FAM171A1: variants seen among roughly 807,000 people sequenced by gnomAD.
FAM171A1 encodes the protein family with sequence similarity 171 member A1.
FAM171A1 carries 23 observed loss-of-function variants against 74.9 expected under a neutral mutation model. The observed-to-expected ratio is 0.31, with a 90% CI of 0.22 to 0.44. The LOEUF is 0.44. FAM171A1 is among the 20% of genes least tolerant of loss of function. The probability of loss-of-function intolerance (pLI) is 1.00; values close to 1 mark genes in which losing one functional copy is unlikely to be tolerated. For synonymous variants in FAM171A1, 527 were observed against 505.7 expected (o/e 1.04, Z -0.57); for missense variants, 1,162 against 1,159.2 (o/e 1.00, Z -0.03).
chr10:15,238,300 G>A (rs942283345), intron 5 of FAM171A1, among the ~76,000 whole-genome samples: 4 of 152,018 alleles, frequency 2.6e-5, no homozygotes, highest in Admixed American at 1.3e-4. Context: ...TTAGGTTCGC[G>A]GCAAAACTGA....
chr10:15,212,741 G>C lies in FAM171A1; in HGVS notation c.*174C>G, dbSNP rs571390113. On this transcript the variant is annotated 3_prime_UTR_variant, in exon 8 of 8. Transcript: ENST00000378116. ...CCGCCAAAGTCATCCTTTATTCCGA[G>C]TAATAACTTTAATTCCTTTCTAACA... is the stretch of plus-strand genomic sequence containing the variant. The C allele has an allele frequency of 5.4e-6, 5 of 918,780 alleles. No individual in the cohort carries two copies. The African/African-American group carries it at 8.3e-5, about 15-fold the overall frequency. The allele number at this position is 918,780 out of a possible 1,614,324, so 56.9% of individuals were successfully genotyped here. A position where few individuals can be genotyped will look rare whatever the true frequency, so the allele number is the denominator to read the frequency against.
intron 1 of FAM171A1, among the ~76,000 whole-genome samples, chr10:15,310,844 C>A (rs1373355581): frequency 2.0e-5 from 3 of 151,792 alleles, no homozygotes; most frequent in Non-Finnish European, 4.4e-5. Flanking sequence ...AAAAAAAAGA[C>A]CCATTGGGTT....
intron 5 of FAM171A1, among the ~76,000 whole-genome samples, chr10:15,245,692 A>C (rs957647723): frequency 1.3e-5 from 2 of 151,952 alleles, no homozygotes; most frequent in Non-Finnish European, 1.5e-5. Flanking sequence ...TGCCCCCCAG[A>C]CTCCCTGCTC....
intron 3 of FAM171A1, among the ~76,000 whole-genome samples, chr10:15,263,540 G>A (rs1323773794): frequency 1.3e-5 from 2 of 152,194 alleles, no homozygotes; most frequent in African/African-American, 4.8e-5. Flanking sequence ...TTCAGATATA[G>A]TCTACGTGGG....
chr10:15,338,919 T>C (rs1040140094), intron 1 of FAM171A1, among the ~76,000 whole-genome samples: 3 of 152,114 alleles, frequency 2.0e-5, no homozygotes, highest in African/African-American at 7.2e-5. Flanking sequence ...TTTTTGTTTT[T>C]AGTACTCTGG....
chr10:15,335,852 G>T (rs1279202162), intron 1 of FAM171A1, among the ~76,000 whole-genome samples: 2 of 152,176 alleles, frequency 1.3e-5, no homozygotes, highest in Non-Finnish European at 2.9e-5. Context: ...ATTAAAAAGG[G>T]AAAGAGGAAG....
intron 4 of FAM171A1, among the ~76,000 whole-genome samples, chr10:15,252,739 A>G (rs922839206): frequency 1.3e-5 from 2 of 152,204 alleles, no homozygotes; most frequent in Non-Finnish European, 2.9e-5. Flanking sequence ...TTCATGTCAC[A>G]TTGCAAAGAC....
In FAM171A1 at chr10:15,221,007, T is replaced by A. The variant is rs985772441; in HGVS notation, c.808A>T (p.Thr270Ser). 8 of 1,614,060 alleles carry A rather than the reference T, an allele frequency of 5.0e-6. No individual in the cohort carries two copies. Among genetic ancestry groups the A allele is most frequent in the Non-Finnish European group, 6.8e-6 (8 of 1,180,042 alleles). Residue 270 changes from threonine (T) to serine (S), a missense_variant, in exon 6 of 8, where the codon ACG becomes TCG. Physicochemically the swap from Thr to Ser is moderately conservative, Grantham distance 58. Transcript: ENST00000378116. ...GLVHQEGSQL[T>S]WTYIAPQLGY... ...AACTGGGGGGCAATGTATGTCCACGTCAGCTGGCTGCCTTCCTGGTGCACA... is the reference window on the plus strand; with the variant it reads ...AACTGGGGGGCAATGTATGTCCACGACAGCTGGCTGCCTTCCTGGTGCACA...
intron 1 of FAM171A1, among the ~76,000 whole-genome samples, chr10:15,345,018 G>A (rs763573401): frequency 2.8e-4 from 42 of 152,346 alleles, no homozygotes; most frequent in Non-Finnish European, 5.0e-4. Context: ...CACACCTTGC[G>A]TCATACACGC....
intron 5 of FAM171A1, among the ~76,000 whole-genome samples, chr10:15,226,774 G>A (rs878905809): frequency 3.9e-5 from 6 of 152,112 alleles, no homozygotes; most frequent in South Asian, 2.1e-4. Flanking sequence ...TTGCTCTTGC[G>A]CTGAATACTC....
chr10:15,216,801 G>A (rs1251715129), intron 6 of FAM171A1, among the ~76,000 whole-genome samples: 2 of 145,532 alleles, frequency 1.4e-5, no homozygotes, highest in Admixed American at 6.9e-5. Flanking sequence ...CCTTCAGAAA[G>A]ATGGCCTATC....
At position 15,213,968 on chromosome 10, in the gene FAM171A1, C is replaced by T. The variant is rs1283659337; in HGVS notation, c.1620G>A (p.Met540Ile). 3 of 1,614,064 alleles carry T rather than the reference C, an allele frequency of 1.9e-6. No individual in the cohort carries two copies. The African/African-American group carries it at 4.0e-5, about 22-fold the overall frequency. Reference sequence around the variant, plus strand: ...CGAGGTGATCTACTGATCGCGACATCATACATTCAGTGGGTCTGCGGTCCA... The same window carrying T: ...CGAGGTGATCTACTGATCGCGACATTATACATTCAGTGGGTCTGCGGTCCA... ...QLLDRRPTEC[M>I]MSRSVDHLER... Residue 540 changes from methionine to isoleucine, a missense_variant, in exon 8 of 8, where the codon ATG becomes ATA. Transcript: ENST00000378116. This position sits in a 1 kb window ranked among gnomAD's most constrained non-coding sequence, Gnocchi z 6.8.
intron 4 of FAM171A1, among the ~76,000 whole-genome samples, chr10:15,249,389 T>C (rs1015762646): frequency 6.6e-6 from 1 of 152,228 alleles, no homozygotes; most frequent in Non-Finnish European, 1.5e-5. Flanking sequence ...CTTAAGCCAC[T>C]GTGCCCGGTC....
chr10:15,338,021 C>A (rs905835803), intron 1 of FAM171A1, among the ~76,000 whole-genome samples: 2 of 152,048 alleles, frequency 1.3e-5, no homozygotes, highest in African/African-American at 4.8e-5. Flanking sequence ...TAAATAAATT[C>A]CTATTTAAAA....
chr10:15,295,136 C>A (rs1407356455), intron 1 of FAM171A1, among the ~76,000 whole-genome samples: 1 of 151,874 alleles, frequency 6.6e-6, no homozygotes, highest in Non-Finnish European at 1.5e-5. Flanking sequence ...GGGGGTTTCA[C>A]CATGTTGGCC....
intron 1 of FAM171A1, among the ~76,000 whole-genome samples, chr10:15,284,837 C>T (rs1835016353): frequency 6.6e-6 from 1 of 151,474 alleles, no homozygotes. Flanking sequence ...CAGGATTGTG[C>T]ACTGGTAATC....
At chr10:15,273,118 A>C (rs949293928) in intron 3 of FAM171A1, among the ~76,000 whole-genome samples, 2 of 152,112 alleles carry the variant, frequency 1.3e-5, no homozygotes, top group Non-Finnish European at 2.9e-5. Context: ...TTTTTTGAAA[A>C]GATCAACAAA....
chr10:15,280,755 C>G (rs546755365), intron 2 of FAM171A1, among the ~76,000 whole-genome samples: 8 of 152,340 alleles, frequency 5.3e-5, no homozygotes, highest in African/African-American at 1.9e-4. Context: ...AGAAGAGGCT[C>G]CCAGCTCTTC....
intron 1 of FAM171A1, among the ~76,000 whole-genome samples, chr10:15,336,761 G>T (rs952517909): frequency 6.6e-6 from 1 of 152,118 alleles, no homozygotes; most frequent in African/African-American, 2.4e-5. Flanking sequence ...TTTTCTCACA[G>T]AACTAACATA....
Sources: gnomAD v4.1 joint callset for allele counts (sites outside exome capture counted in the v4.1 genomes callset) on GRCh38, gnomAD v4.1.1 for gene constraint, Gnocchi (gnomAD v3.1) non-coding constraint, MANE v1.5 for transcripts, NCBI Gene and HGNC (gene_info 2026-07-23, HGNC 2026-07-21) for gene names.